MACROD2: variants seen among roughly 807,000 people sequenced by gnomAD.
MACROD2 encodes the protein mono-ADP ribosylhydrolase 2, also known as ADP-ribose glycohydrolase MACROD2.
MACROD2 carries 36 observed loss-of-function variants against 70.4 expected under a neutral mutation model. The observed-to-expected ratio is 0.51, with a 90% confidence interval of 0.39 to 0.68. The LOEUF is 0.68. MACROD2 is among the 30% of genes least tolerant of loss of function. MACROD2 has a pLI of 0.00. For missense variants in MACROD2, 496 were observed against 538.4 expected (o/e 0.92, Z 0.78); for synonymous variants, 172 against 178.8 (o/e 0.96, Z 0.30).
At chr20:15,606,957 G>T (rs1188662443) in intron 8 of MACROD2, among the ~76,000 whole-genome samples, 1 of 147,442 alleles carries the variant, frequency 6.8e-6, no homozygotes, top group Non-Finnish European at 1.5e-5. Context: ...AGCCAAGATC[G>T]CACCATTGCA....
At chr20:14,308,064 A>G (rs1255369224) in intron 3 of MACROD2, among the ~76,000 whole-genome samples, 1 of 152,158 alleles carries the variant, frequency 6.6e-6, no homozygotes, top group Non-Finnish European at 1.5e-5. Context: ...GAACAGTCTG[A>G]GTGCTATATA....
At chr20:14,828,302 G>A (rs1400767024) in intron 5 of MACROD2, among the ~76,000 whole-genome samples, 1 of 152,110 alleles carries the variant, frequency 6.6e-6, no homozygotes, top group Non-Finnish European at 1.5e-5. Flanking sequence ...GACCATTCCT[G>A]TATATACAAC....
chr20:15,943,854 A>T (rs1337959630), intron 12 of MACROD2, among the ~76,000 whole-genome samples: 2 of 152,112 alleles, frequency 1.3e-5, no homozygotes, highest in Non-Finnish European at 2.9e-5. Flanking sequence ...ATTGTAAAAT[A>T]TTTTTTAATG....
chr20:15,138,495 G>A (rs1033040124), intron 5 of MACROD2, among the ~76,000 whole-genome samples: 3 of 152,078 alleles, frequency 2.0e-5, no homozygotes, highest in Non-Finnish European at 2.9e-5. Context: ...AATATGCTGC[G>A]TTTCTTGTGC....
At chr20:14,003,697 T>C in intron 2 of MACROD2, 1 of 482,236 alleles carries the variant, frequency 2.1e-6, no homozygotes, top group Non-Finnish European at 4.2e-6. Context: ...GTCCCCACAG[T>C]GTAACAGGGT....
intron 7 of MACROD2, among the ~76,000 whole-genome samples, chr20:15,434,362 G>A (rs1052164440): frequency 1.3e-5 from 2 of 151,228 alleles, no homozygotes; most frequent in Non-Finnish European, 3.0e-5. Flanking sequence ...AATGGGCAAA[G>A]GACATAGACA....
chr20:15,561,947 TGC>T (rs1444689354), intron 8 of MACROD2, among the ~76,000 whole-genome samples: 12 of 152,258 alleles, frequency 7.9e-5, no homozygotes, highest in Middle Eastern at 6.8e-3. Context: ...AACTCTTTGC[TGC>T]TTTGTTTGTC....
At chr20:15,578,057 C>T (rs1460628734) in intron 8 of MACROD2, among the ~76,000 whole-genome samples, 1 of 152,162 alleles carries the variant, frequency 6.6e-6, no homozygotes, top group Non-Finnish European at 1.5e-5. Context: ...ACCACATGCT[C>T]CTATAACTTT....
At chr20:15,979,048 A>C (rs1387680933) in intron 13 of MACROD2, among the ~76,000 whole-genome samples, 3 of 152,202 alleles carry the variant, frequency 2.0e-5, no homozygotes, top group Non-Finnish European at 4.4e-5. Flanking sequence ...TTTTTCCCTT[A>C]TCCAGGTCAT....
rs779754511 is a variant in MACROD2, at chr20:16,044,645, A to C, written c.1300+6A>C. Reference sequence around the variant, plus strand: ...ACAAGAAGATCAACTAATAGGTAAGATGCCCCTTGTGGTGAGATTTTCAAT... The same window carrying C: ...ACAAGAAGATCAACTAATAGGTAAGCTGCCCCTTGTGGTGAGATTTTCAAT... On this transcript the variant is annotated splice_donor_region_variant and intron_variant, in intron 17 of 17. Coordinates refer to ENST00000684519, the MANE Select transcript of MACROD2 (RefSeq NM_001351661.2). 3.1e-6 allele frequency: 5 copies of C among 1,609,654 alleles called. No individual in the cohort carries two copies. Among genetic ancestry groups the C allele is most frequent in the Non-Finnish European group, 4.3e-6 (5 of 1,176,340 alleles).
chr20:14,332,894 G>A (rs2082870470), intron 3 of MACROD2, among the ~76,000 whole-genome samples: 6 of 152,070 alleles, frequency 3.9e-5, no homozygotes, highest in Admixed American at 3.9e-4. Flanking sequence ...ACCTGTGAAT[G>A]CTAAGCCTTT....
chr20:14,206,885 G>A (rs967535514), intron 3 of MACROD2, among the ~76,000 whole-genome samples: 4 of 151,952 alleles, frequency 2.6e-5, no homozygotes, highest in African/African-American at 9.7e-5. Flanking sequence ...TCTTAACTGA[G>A]TACATTGCAT....
chr20:14,617,577 A>G (rs1052184371), intron 4 of MACROD2, among the ~76,000 whole-genome samples: 1 of 152,166 alleles, frequency 6.6e-6, no homozygotes, highest in Non-Finnish European at 1.5e-5. Flanking sequence ...GAAACCATAT[A>G]CAAAACTCAT....
At chr20:15,576,687 C>T (rs1464776407) in intron 8 of MACROD2, among the ~76,000 whole-genome samples, 1 of 152,042 alleles carries the variant, frequency 6.6e-6, no homozygotes, top group African/African-American at 2.4e-5. Context: ...AAGAAATACC[C>T]AGAGCTGAAT....
chr20:14,484,352 A>T (rs2084697204), intron 3 of MACROD2, among the ~76,000 whole-genome samples: 1 of 152,136 alleles, frequency 6.6e-6, no homozygotes, highest in Admixed American at 6.5e-5. Context: ...ACATGAGATT[A>T]TTTGATACAG....
chr20:14,664,656 C>G (rs2070717587), intron 4 of MACROD2, among the ~76,000 whole-genome samples: 1 of 152,028 alleles, frequency 6.6e-6, no homozygotes, highest in South Asian at 2.1e-4. Flanking sequence ...AACACCAGTG[C>G]ACAAGTACCT....
At chr20:15,975,922 A>C (rs1374285109) in intron 13 of MACROD2, among the ~76,000 whole-genome samples, 1 of 152,238 alleles carries the variant, frequency 6.6e-6, no homozygotes, top group Non-Finnish European at 1.5e-5. Flanking sequence ...ATCTAGGCTT[A>C]ACTTTTGTTC....
intron 4 of MACROD2, among the ~76,000 whole-genome samples, chr20:14,634,022 G>T (rs1464623024): frequency 2.6e-5 from 4 of 152,074 alleles, no homozygotes; most frequent in Non-Finnish European, 5.9e-5. Flanking sequence ...CGTTATTTCT[G>T]ATGCTCTCCT....
intron 5 of MACROD2, among the ~76,000 whole-genome samples, chr20:14,789,454 G>C (rs1031791418): frequency 4.8e-4 from 45 of 94,508 alleles, no homozygotes; most frequent in African/African-American, 1.7e-3. Context: ...TAATCAGGTA[G>C]TGCAAATTTT....
Sources: allele counts gnomAD v4.1 joint callset (sites outside exome capture counted in the v4.1 genomes callset), GRCh38; gene constraint gnomAD v4.1.1; transcripts MANE v1.5; gene names NCBI Gene and HGNC (gene_info 2026-07-23, HGNC 2026-07-21).